ZNF599: variants seen among roughly 807,000 people sequenced by gnomAD.
ZNF599 encodes zinc finger protein 599.
ZNF599 carries 10 observed loss-of-function variants against 11.7 expected under a neutral mutation model. That is an observed-to-expected ratio of 0.86 (90% CI 0.53 to 1.45). The LOEUF (loss-of-function observed/expected upper bound fraction) is 1.45, where lower values mean the gene tolerates loss of function less well. ZNF599 is among the 40% of genes most tolerant of loss of function. The pLI, the probability that ZNF599 is intolerant of heterozygous loss-of-function variation, is 0.00. For missense variants in ZNF599, 688 were observed against 713.6 expected (o/e 0.96, Z 0.41); for synonymous variants, 232 against 253.2 (o/e 0.92, Z 0.79).
chr19:34,802,223 A>G, the ZNF599 span, among the ~76,000 whole-genome samples: 1 of 152,162 alleles, frequency 6.6e-6, no homozygotes, highest in African/African-American at 2.4e-5. Flanking sequence ...TCAGGAGGAG[A>G]GAGTTTGGGT....
At chr19:34,771,259 T>A (rs930466034) in intron 1 of ZNF599, among the ~76,000 whole-genome samples, 5 of 152,008 alleles carry the variant, frequency 3.3e-5, no homozygotes, top group South Asian at 2.1e-4. Context: ...TCAAAAAAAA[T>A]AAATAAATAA....
At chr19:34,804,577 T>A in the ZNF599 span, among the ~76,000 whole-genome samples, 1 of 152,248 alleles carries the variant, frequency 6.6e-6, no homozygotes, top group Non-Finnish European at 1.5e-5. Flanking sequence ...ATGTCTCTAT[T>A]CTGAATGACT....
chr19:34,761,616 G>C (rs555309676), intron 3 of ZNF599, among the ~76,000 whole-genome samples: 78 of 152,182 alleles, frequency 5.1e-4, no homozygotes, highest in Non-Finnish European at 8.8e-4. Flanking sequence ...ATGAAATAGA[G>C]AACTCAGAAA....
chr19:34,768,255 A>G (rs1239509227), intron 2 of ZNF599, among the ~76,000 whole-genome samples: 1 of 152,220 alleles, frequency 6.6e-6, no homozygotes, highest in East Asian at 1.9e-4. Flanking sequence ...ATCTCTGTTA[A>G]GGAATCAAGC....
intron 2 of ZNF599, 92 bp from the exon 3 acceptor site, chr19:34,767,503 G>A: frequency 1.1e-6 from 1 of 911,618 alleles, no homozygotes; most frequent in Non-Finnish European, 1.7e-6. Flanking sequence ...TTAACATACT[G>A]CAATGAAACC....
At chr19:34,765,521 T>C (rs1178847238) in intron 3 of ZNF599, 1 of 700,790 alleles carries the variant, frequency 1.4e-6, no homozygotes. Flanking sequence ...TGTGGTAATA[T>C]TGTTACATAT....
chr19:34,793,163 A>T, the ZNF599 span, among the ~76,000 whole-genome samples: 6 of 152,144 alleles, frequency 3.9e-5, no homozygotes, highest in Non-Finnish European at 7.4e-5. Context: ...AGGACTGAAC[A>T]TTTTGCTGAG....
intron 3 of ZNF599, chr19:34,765,477 A>AT: frequency 5.9e-6 from 4 of 679,964 alleles, no homozygotes; most frequent in Non-Finnish European, 1.1e-5. Flanking sequence ...TAGGTGGGAG[A>AT]TAATAAATAA....
chr19:34,766,698 T>C (rs908035393), intron 3 of ZNF599, among the ~76,000 whole-genome samples: 1 of 152,250 alleles, frequency 6.6e-6, no homozygotes, highest in African/African-American at 2.4e-5. Flanking sequence ...ATGTTCACTA[T>C]ACCCATAGGC....
chr19:34,796,251 C>A, the ZNF599 span, among the ~76,000 whole-genome samples: 1 of 151,986 alleles, frequency 6.6e-6, no homozygotes, highest in African/African-American at 2.4e-5. Flanking sequence ...GTATACCCAA[C>A]TAGTGATTCT....
At chr19:34,786,650 A>G in the ZNF599 span, among the ~76,000 whole-genome samples, 3 of 152,130 alleles carry the variant, frequency 2.0e-5, no homozygotes, top group African/African-American at 7.2e-5. Context: ...CTCCATGACA[A>G]TGGCCAAACA....
upstream of ZNF599, among the ~76,000 whole-genome samples, chr19:34,777,448 A>AT (rs2069225525): frequency 1.0e-5 from 1 of 96,656 alleles, no homozygotes; most frequent in Non-Finnish European, 1.9e-5. Flanking sequence ...GATATATATT[A>AT]ATTAATATAT....
rs781258330 is a variant in ZNF599 at position 34,760,001 on chromosome 19, CT to C, written c.799del (p.Arg267GlyfsTer37). ...CIECGKAFKR[R>X]FHLTEHQRIH... ...ACGCTGGTGCTCCGTGAGGTGAAAC[CT>C]GCGTTTGAAGGCTTTCCCACACTCA... is the stretch of plus-strand genomic sequence containing the variant. On this transcript the variant is annotated frameshift_variant, in exon 4 of 4. Transcript: ENST00000329285. LOFTEE classifies it low-confidence loss of function (END_TRUNC). 14 of 1,614,122 alleles carry C rather than the reference CT, an allele frequency of 8.7e-6. No individual in the cohort carries two copies. In the African/African-American group the frequency reaches 1.9e-4, roughly 22 times the overall value.
chr19:34,804,846 C>T, the ZNF599 span, among the ~76,000 whole-genome samples: 1 of 152,172 alleles, frequency 6.6e-6, no homozygotes, highest in South Asian at 2.1e-4. Context: ...GGACACACAG[C>T]CCTCCTGCAC....
chr19:34,759,599 C>A lies in ZNF599; in HGVS notation c.1202G>T (p.Gly401Val). The A allele has an allele frequency of 6.2e-7, 1 of 1,614,032 alleles. No individual in the cohort carries two copies. Among genetic ancestry groups the A allele is most frequent in the Non-Finnish European group, 8.5e-7 (1 of 1,180,002 alleles). ...AGTGGAGCGATGAGTAAAGGCCTTT[C>A]CACATTCACCGCACTCATAGGGTTT... The part of the protein sequence containing the change: ...GEKPYECGEC[G>V]KAFTHRSTFI... Residue 401 changes from glycine (G) to valine (V), a missense_variant, in exon 4 of 4, where the codon GGA becomes GTA. By Grantham distance (109) the Gly-to-Val change is moderately radical. Coordinates refer to ENST00000329285, the MANE Select transcript of ZNF599 (RefSeq NM_001007248.3).
chr19:34,790,364 G>C, the ZNF599 span, among the ~76,000 whole-genome samples: 16 of 152,182 alleles, frequency 1.1e-4, no homozygotes, highest in African/African-American at 3.9e-4. Flanking sequence ...TACAAAGAAT[G>C]AATGAATACA....
At chr19:34,804,212 A>C in the ZNF599 span, among the ~76,000 whole-genome samples, 1 of 152,124 alleles carries the variant, frequency 6.6e-6, no homozygotes, top group African/African-American at 2.4e-5. Context: ...CTAATCCACT[A>C]TCCTGGCGAG....
upstream of ZNF599, among the ~76,000 whole-genome samples, chr19:34,777,459 A>C (rs35296268): frequency 2.0e-5 from 2 of 98,362 alleles, no homozygotes; most frequent in African/African-American, 8.4e-5. Context: ...ATTAATATAT[A>C]ATATATTATA....
chr19:34,789,059 A>C, the ZNF599 span, among the ~76,000 whole-genome samples: 3 of 152,270 alleles, frequency 2.0e-5, no homozygotes, highest in Non-Finnish European at 4.4e-5. Context: ...GCTAACTGAA[A>C]TTTTGTATCC....
Sources: allele counts gnomAD v4.1 joint callset (sites outside exome capture counted in the v4.1 genomes callset), GRCh38; gene constraint gnomAD v4.1.1; transcripts MANE v1.5; gene names NCBI Gene and HGNC (gene_info 2026-07-23, HGNC 2026-07-21).